MRC1: variants seen among roughly 807,000 people sequenced by gnomAD.
MRC1 encodes the protein mannose receptor C-type 1.
MRC1 carries 62 observed loss-of-function variants against 102.9 expected under a neutral mutation model. The observed-to-expected ratio is 0.60, with a 90% CI of 0.49 to 0.74. The LOEUF (loss-of-function observed/expected upper bound fraction) is 0.74, where lower values mean the gene tolerates loss of function less well. Ranked by LOEUF, MRC1 falls within the 30% of genes least tolerant of loss-of-function variation. MRC1 has a pLI of 0.00. For missense variants in MRC1, 1,237 were observed against 862.8 expected (o/e 1.43, Z -5.43); for synonymous variants, 457 against 298.4 (o/e 1.53, Z -5.48).
chr10:17,857,768 A>G (rs1344366863), intron 9 of MRC1, among the ~76,000 whole-genome samples: 1 of 152,206 alleles, frequency 6.6e-6, no homozygotes, highest in Non-Finnish European at 1.5e-5. Context: ...GCTTTGGCAT[A>G]CAGTGGTGTT....
chr10:17,873,065 C>T (rs1171110489), intron 15 of MRC1, among the ~76,000 whole-genome samples: 4 of 152,084 alleles, frequency 2.6e-5, no homozygotes, highest in Non-Finnish European at 4.4e-5. Flanking sequence ...GGCTAGTATC[C>T]TTTTTGCATT....
At chr10:17,908,097 A>C (rs1413059061) in intron 28 of MRC1, among the ~76,000 whole-genome samples, 1 of 152,348 alleles carries the variant, frequency 6.6e-6, no homozygotes, top group African/African-American at 2.4e-5. Context: ...GAGTCACGTC[A>C]GACTAATTCA....
chr10:17,841,566 A>G (rs1838749870), intron 5 of MRC1, among the ~76,000 whole-genome samples: 1 of 152,194 alleles, frequency 6.6e-6, no homozygotes. Flanking sequence ...CATTGTCATA[A>G]CATGAAAGTA....
At chr10:17,882,967 A>G (rs1589190760) in intron 21 of MRC1, among the ~76,000 whole-genome samples, 1 of 152,226 alleles carries the variant, frequency 6.6e-6, no homozygotes, top group African/African-American at 2.4e-5. Context: ...ATTCCTGGCA[A>G]AACAGGCACA....
chr10:17,885,156 C>A (rs1242505498), intron 21 of MRC1, 113 bp from the exon 22 acceptor site: 1 of 746,072 alleles, frequency 1.3e-6, no homozygotes, highest in South Asian at 1.5e-5. Flanking sequence ...TTTTAAGTAA[C>A]AATGACACAA....
chr10:17,816,472 C>G (rs970317158), intron 1 of MRC1, among the ~76,000 whole-genome samples: 1 of 152,110 alleles, frequency 6.6e-6, no homozygotes, highest in Non-Finnish European at 1.5e-5. Flanking sequence ...TCATCACATC[C>G]AAGGTACAAG....
Position 17,853,007 on chromosome 10 carries a change from G to A in MRC1, c.1290G>A (p.Lys430=). ...TGTGGATCGGCTTAAATGACATTAA[G>A]ATTCAAATGTACTTTGAGTGGAGTG... ...DELWIGLNDI[K]IQMYFEWSDG... The change falls in exon 8 of 30, where the codon AAG becomes AAA. Residue 430 remains lysine (K), a synonymous_variant. Transcript: ENST00000569591. 5.1e-6 allele frequency: 4 copies of A among 780,800 alleles called. No homozygotes were observed. The highest frequency in any genetic ancestry group is 2.4e-5 in the East Asian group (1 of 41,246). 48.4% of individuals were successfully genotyped at this position (780,800 alleles called of 1,614,324 possible).
chr10:17,838,132 A>T (rs1838697138), intron 4 of MRC1, among the ~76,000 whole-genome samples: 1 of 152,246 alleles, frequency 6.6e-6, no homozygotes, highest in African/African-American at 2.4e-5. Flanking sequence ...CTGAACTGGA[A>T]TTCAGCCCTG....
At chr10:17,844,384 A>AT (rs1427566104) in intron 5 of MRC1, among the ~76,000 whole-genome samples, 16 of 151,264 alleles carry the variant, frequency 1.1e-4, no homozygotes, top group African/African-American at 3.4e-4. Context: ...TCCCCGGCCG[A>AT]TTTTTTTGTA....
At chr10:17,880,440 C>A (rs1833497834) in intron 19 of MRC1, 85 bp from the exon 20 acceptor site, 2 of 752,442 alleles carry the variant, frequency 2.7e-6, no homozygotes, top group African/African-American at 1.8e-5. Context: ...TTTGAGAATT[C>A]TTGTAAAATA....
At chr10:17,859,474 C>G (rs1056618895) in intron 9 of MRC1, among the ~76,000 whole-genome samples, 21 of 152,150 alleles carry the variant, frequency 1.4e-4, no homozygotes, top group Admixed American at 1.2e-3. Flanking sequence ...CCTGCCGTCA[C>G]GCCCAGCTAA....
At chr10:17,876,423 T>C (rs1359176901) in intron 17 of MRC1, among the ~76,000 whole-genome samples, 1 of 152,040 alleles carries the variant, frequency 6.6e-6, no homozygotes, top group African/African-American at 2.4e-5. Flanking sequence ...AATTTTTGTA[T>C]TTTTAGTAGA....
chr10:17,812,823 A>G (rs1010305382), intron 1 of MRC1, among the ~76,000 whole-genome samples: 4 of 151,934 alleles, frequency 2.6e-5, no homozygotes, highest in South Asian at 2.1e-4. Context: ...TGCCCACCTT[A>G]GCCTCCCAAA....
chr10:17,861,169 C>T (rs926496992), intron 9 of MRC1, among the ~76,000 whole-genome samples: 6 of 151,986 alleles, frequency 3.9e-5, no homozygotes, highest in Non-Finnish European at 7.4e-5. Context: ...AAAATTTGGC[C>T]GGGTGTGGTG....
chr10:17,894,390 CTTTCTTTTTTTT>C, intron 23 of MRC1, 78 bp downstream of exon 23: 2 of 577,560 alleles, frequency 3.5e-6, no homozygotes, highest in South Asian at 1.9e-5. Context: ...TTCTTTCTTT[CTTTCTTTTTTTT>C]TTTTTTTTTT....
intron 26 of MRC1, among the ~76,000 whole-genome samples, chr10:17,905,059 A>C (rs1833878115): frequency 6.6e-6 from 1 of 152,210 alleles, no homozygotes; most frequent in East Asian, 1.9e-4. Context: ...AATAAAGACA[A>C]GCTTTGCGAG....
At chr10:17,878,716 G>A (rs1234384141) in intron 18 of MRC1, among the ~76,000 whole-genome samples, 5 of 152,052 alleles carry the variant, frequency 3.3e-5, no homozygotes, top group Non-Finnish European at 7.4e-5. Context: ...AGGCTGGAGT[G>A]CAGTGGGGTG....
intron 6 of MRC1, among the ~76,000 whole-genome samples, chr10:17,848,405 C>G (rs1275549090): frequency 1.3e-5 from 2 of 152,174 alleles, no homozygotes; most frequent in African/African-American, 4.8e-5. Context: ...GTGCCAGGCT[C>G]AAGGCAATAG....
At chr10:17,892,506 T>C (rs1554843198) in intron 22 of MRC1, among the ~76,000 whole-genome samples, 2 of 152,218 alleles carry the variant, frequency 1.3e-5, no homozygotes, top group African/African-American at 2.4e-5. Context: ...TTCCAATGCA[T>C]TTAAGAGAAG....
Sources: allele counts gnomAD v4.1 joint callset (sites outside exome capture counted in the v4.1 genomes callset), GRCh38; gene constraint gnomAD v4.1.1; transcripts MANE v1.5; gene names NCBI Gene and HGNC (gene_info 2026-07-23, HGNC 2026-07-21).